The following PREX2 variants were observed in gnomAD, a reference collection of about 807,000 sequenced individuals.
PREX2 encodes the protein phosphatidylinositol 3,4,5-trisphosphate-dependent Rac exchanger 2 protein.
Under a neutral mutation model 203.2 loss-of-function variants are expected in PREX2, and 107 were observed. The ratio of observed to expected loss-of-function variants is 0.53; its 90% CI spans 0.45 to 0.62. The LOEUF is 0.62. Ranked by LOEUF, PREX2 falls within the 20% of genes least tolerant of loss-of-function variation. The probability of loss-of-function intolerance (pLI) is 0.00; values close to 1 mark genes in which losing one functional copy is unlikely to be tolerated. For missense variants in PREX2, 1,777 were observed against 1,955.9 expected (o/e 0.91, Z 1.72); for synonymous variants, 672 against 663.6 (o/e 1.01, Z -0.19).
chr8:68,124,317 A>C (rs1001184798), intron 30 of PREX2, among the ~76,000 whole-genome samples: 2 of 152,100 alleles, frequency 1.3e-5, no homozygotes, highest in Admixed American at 6.6e-5. Context: ...CATAAAAAAG[A>C]ATGAGCTAAT....
Position 68,093,592 on chromosome 8 carries a change from C to T in PREX2, c.2251-13C>T. The T allele has an allele frequency of 2.9e-6, 4 of 1,362,514 alleles. No homozygotes were observed. Among genetic ancestry groups the T allele is most frequent in the Non-Finnish European group, 4.1e-6 (4 of 965,246 alleles). The allele number at this position is 1,362,514 out of a possible 1,614,324, so 84.4% of individuals were successfully genotyped here. A position where few individuals can be genotyped will look rare whatever the true frequency, so the allele number is the denominator to read the frequency against. On this transcript the variant is annotated splice_polypyrimidine_tract_variant and intron_variant, in intron 20 of 39. Transcript: ENST00000288368. The stretch of plus-strand genomic sequence containing the variant: ...CTAATACCTCTGAGGTTTCTTTCCC[C>T]CCTCATTTCCAGCAAGATTCCATAC...
chr8:68,105,161 C>A (rs745641256), intron 23 of PREX2: 9 of 1,367,666 alleles, frequency 6.6e-6, no homozygotes, highest in Non-Finnish European at 7.8e-6. Context: ...AAAGGTTTTA[C>A]AATTTCACAG....
At chr8:67,981,055 A>T (rs986593828) in intron 1 of PREX2, among the ~76,000 whole-genome samples, 5 of 149,808 alleles carry the variant, frequency 3.3e-5, no homozygotes, top group Non-Finnish European at 7.3e-5. Flanking sequence ...AGGAGCAAAC[A>T]ACATAATTAT....
intron 14 of PREX2, among the ~76,000 whole-genome samples, chr8:68,073,056 CA>C (rs893971751): frequency 6.6e-6 from 1 of 151,656 alleles, no homozygotes; most frequent in African/African-American, 2.4e-5. Context: ...ACCTGCTTCT[CA>C]AGATTTAGAT....
chr8:68,136,550 A>G (rs1772697364), intron 32 of PREX2, among the ~76,000 whole-genome samples: 1 of 152,172 alleles, frequency 6.6e-6, no homozygotes, highest in Non-Finnish European at 1.5e-5. Context: ...CTCAAAGGCC[A>G]CACTGTCTGG....
At chr8:68,207,560 C>T (rs1400999249) in intron 37 of PREX2, among the ~76,000 whole-genome samples, 2 of 151,020 alleles carry the variant, frequency 1.3e-5, no homozygotes, top group Admixed American at 6.6e-5. Context: ...GACACCAGTA[C>T]AGCCTGGTGG....
intron 37 of PREX2, among the ~76,000 whole-genome samples, chr8:68,214,627 G>A (rs1201683424): frequency 6.6e-6 from 1 of 152,210 alleles, no homozygotes; most frequent in Non-Finnish European, 1.5e-5. Flanking sequence ...GCATCAGAAT[G>A]TTTCTTGCAG....
At chr8:68,216,968 C>CAAAAAAAAAAAAAA (rs59972334) in intron 37 of PREX2, among the ~76,000 whole-genome samples, 4 of 112,872 alleles carry the variant, frequency 3.5e-5, no homozygotes, top group Non-Finnish European at 2.1e-5. Flanking sequence ...CTCAAAAAAA[C>CAAAAAAAAAAAAAA]AAAAAAAAAA....
chr8:68,029,234 G>A (rs1358461689), intron 5 of PREX2, among the ~76,000 whole-genome samples: 1 of 152,040 alleles, frequency 6.6e-6, no homozygotes, highest in Non-Finnish European at 1.5e-5. Flanking sequence ...AATGGCCAAG[G>A]GATTGTGAGT....
intron 35 of PREX2, among the ~76,000 whole-genome samples, chr8:68,188,772 A>G (rs73263351): frequency 0.4 from 60,938 of 151,948 alleles, 12,367 homozygotes; most frequent in East Asian, 0.5. Context: ...CCATGATTCA[A>G]TTATCTCCAT....
intron 35 of PREX2, among the ~76,000 whole-genome samples, chr8:68,176,535 A>G (rs747591571): frequency 2.6e-5 from 4 of 152,242 alleles, no homozygotes; most frequent in Non-Finnish European, 4.4e-5. Flanking sequence ...ATTGCCCCCA[A>G]CAGGCTTGAT....
chr8:68,136,467 G>A (rs948253872), intron 32 of PREX2, among the ~76,000 whole-genome samples: 1 of 152,164 alleles, frequency 6.6e-6, no homozygotes, highest in Admixed American at 6.5e-5. Flanking sequence ...CCCTGAGTGC[G>A]AGGCACAGCC....
chr8:68,170,125 T>C (rs1811846637), intron 35 of PREX2, among the ~76,000 whole-genome samples: 1 of 152,046 alleles, frequency 6.6e-6, no homozygotes, highest in Non-Finnish European at 1.5e-5. Flanking sequence ...ACTCAAGTCA[T>C]AGGAATAAGC....
chr8:68,099,822 G>A lies in PREX2; in HGVS notation c.2694G>A (p.Gln898=). ...LCSERIEHLC[Q]RISSYKKFSR... is the part of the protein sequence containing the mutation. ...GTGAAAGAATTGAACACCTATGTCAGAGAATATCCAGTTATAAAAAGGTAA... is the reference window on the plus strand; with the variant it reads ...GTGAAAGAATTGAACACCTATGTCAAAGAATATCCAGTTATAAAAAGGTAA... Residue 898 remains glutamine (Q), a synonymous_variant, in exon 23 of 40, where the codon CAG becomes CAA. Coordinates refer to ENST00000288368, the MANE Select transcript of PREX2 (RefSeq NM_024870.4). 2 of 1,611,676 alleles carry A rather than the reference G, an allele frequency of 1.2e-6. No individual in the cohort carries two copies. Among genetic ancestry groups the A allele is most frequent in the Non-Finnish European group, 1.7e-6 (2 of 1,177,938 alleles).
intron 35 of PREX2, among the ~76,000 whole-genome samples, chr8:68,169,741 C>G (rs1404596484): frequency 6.6e-6 from 1 of 152,104 alleles, no homozygotes; most frequent in East Asian, 1.9e-4. Context: ...ATGGAGTGAA[C>G]AGTAGACGGT....
At position 68,226,610 on chromosome 8, in the gene PREX2, C is replaced by T. The variant is rs555788060; in HGVS notation, c.4775+1984C>T. 2.0e-5 allele frequency among the ~76,000 whole-genome samples: 3 copies of T among 152,294 alleles called. No individual in the cohort carries two copies. The East Asian group carries it at 5.8e-4, about 29-fold the overall frequency. On this transcript the variant is annotated intron_variant, in intron 39 of 39. Transcript: ENST00000288368. ...ATCAGAGTTTTCCTCTTACCATCCT[C>T]TTGATGTTTTAAAAAATTTACTCAG...
chr8:68,047,482 T>G (rs1382630537), intron 8 of PREX2, among the ~76,000 whole-genome samples: 1 of 95,010 alleles, frequency 1.1e-5, no homozygotes, highest in Admixed American at 9.2e-5. Context: ...TATATATATA[T>G]ATATATATAT....
chr8:68,210,021 T>G (rs1451478869), intron 37 of PREX2, among the ~76,000 whole-genome samples: 1 of 152,122 alleles, frequency 6.6e-6, no homozygotes, highest in Non-Finnish European at 1.5e-5. Flanking sequence ...TACAAAAGAG[T>G]TAAAAATTGC....
At chr8:68,210,363 T>G (rs1812720218) in intron 37 of PREX2, among the ~76,000 whole-genome samples, 1 of 152,212 alleles carries the variant, frequency 6.6e-6, no homozygotes, top group Non-Finnish European at 1.5e-5. Context: ...TTTAATGTGT[T>G]AGGGTCTGAG....
Sources: allele counts gnomAD v4.1 joint callset (sites outside exome capture counted in the v4.1 genomes callset), GRCh38; gene constraint gnomAD v4.1.1; transcripts MANE v1.5; gene names NCBI Gene and HGNC (gene_info 2026-07-23, HGNC 2026-07-21).